Variants in APBA2 observed in about 807,000 individuals in gnomAD.
The protein encoded by APBA2 is amyloid beta precursor protein binding family A member 2.
A neutral mutation model predicts 75.0 loss-of-function variants in APBA2; 30 were observed. The observed-to-expected ratio is 0.40, with a 90% CI of 0.30 to 0.54. The LOEUF is 0.54. Ranked by LOEUF, APBA2 falls within the 20% of genes least tolerant of loss-of-function variation. The pLI is 0.49. For missense variants in APBA2, 801 were observed against 1,016.1 expected, an observed-to-expected ratio of 0.79 and a Z score of 2.88; for synonymous variants, 444 against 409.6, an observed-to-expected ratio of 1.08 and a Z score of -1.01.
intron 2 of APBA2, among the ~76,000 whole-genome samples, chr15:28,984,355 C>T (rs1025522858): frequency 6.6e-6 from 1 of 152,080 alleles, no homozygotes; most frequent in Non-Finnish European, 1.5e-5. Flanking sequence ...AACCCCATGA[C>T]ATAGGCTTAT....
chr15:29,090,406 G>C (rs904642538), intron 6 of APBA2, among the ~76,000 whole-genome samples: 14 of 152,354 alleles, frequency 9.2e-5, no homozygotes, highest in Non-Finnish European at 1.6e-4. Context: ...TCAAGGACAT[G>C]GGTCAACATG....
chr15:29,020,859 C>G (rs547514128), intron 3 of APBA2, among the ~76,000 whole-genome samples: 1 of 151,964 alleles, frequency 6.6e-6, no homozygotes, highest in Non-Finnish European at 1.5e-5. Flanking sequence ...CCCAAACAAA[C>G]AAAAAACCAG....
At chr15:29,002,855 C>T (rs538198195) in intron 3 of APBA2, among the ~76,000 whole-genome samples, 5 of 151,892 alleles carry the variant, frequency 3.3e-5, no homozygotes, top group Non-Finnish European at 7.4e-5. Flanking sequence ...CTGGGGAGGG[C>T]GGACTCATCA....
chr15:28,915,103 C>CCCATATATACCACA (rs2033611472), intron 1 of APBA2, among the ~76,000 whole-genome samples: 1 of 19,822 alleles, frequency 5.0e-5, no homozygotes, highest in Non-Finnish European at 1.1e-4. Flanking sequence ...CATACCATAC[C>CCCATATATACCACA]CACCTCACAC....
rs200263520 is a variant in APBA2 at position 29,056,110 on chromosome 15, T to A, written c.951+1275T>A. Reference sequence around the variant, plus strand: ...GCGTGTGACATGCTGCGTCTTATTGTGACAAATGGCATCGCTAGCCAAGTT... The same window carrying A: ...GCGTGTGACATGCTGCGTCTTATTGAGACAAATGGCATCGCTAGCCAAGTT... On this transcript the variant is annotated intron_variant, in intron 4 of 14. Coordinates refer to ENST00000683413, the MANE Select transcript of APBA2 (RefSeq NM_001353788.2). Among the ~76,000 whole-genome samples, 7 of 152,360 alleles carry A rather than the reference T, an allele frequency of 4.6e-5. No homozygotes were observed. The East Asian group carries it at 1.3e-3, about 29-fold the overall frequency.
rs1566984173 is a variant in APBA2 at position 29,081,688 on chromosome 15, CTTTT to C, written c.1069+5599_1069+5602del. 1.2e-4 allele frequency among the ~76,000 whole-genome samples: 19 copies of C among 152,342 alleles called. 1 individual carries two copies. Among genetic ancestry groups the C allele is most frequent in the Admixed American group, 9.8e-4 (15 of 15,302 alleles). ...ACTGGCCACATGGCTCTGTACTTAG[CTTTT>C]TCCTTTCTTGCTAGATCTTGGAAAC... On this transcript the variant is annotated intron_variant, in intron 6 of 14. Coordinates refer to ENST00000683413, the MANE Select transcript of APBA2 (RefSeq NM_001353788.2).
chr15:29,026,467 G>C (rs1392409595), intron 3 of APBA2, among the ~76,000 whole-genome samples: 1 of 152,164 alleles, frequency 6.6e-6, no homozygotes, highest in Non-Finnish European at 1.5e-5. Context: ...TTATCCATTG[G>C]TGATCCTGGC....
intron 8 of APBA2, among the ~76,000 whole-genome samples, chr15:29,098,083 G>C (rs1370843298): frequency 6.6e-6 from 1 of 152,130 alleles, no homozygotes; most frequent in Non-Finnish European, 1.5e-5. Context: ...CCATGTCTTG[G>C]CTGTTGTGGA....
chr15:29,101,874 G>C, intron 10 of APBA2, 90 bp downstream of exon 10: 1 of 1,320,862 alleles, frequency 7.6e-7, no homozygotes, highest in African/African-American at 1.5e-5. Context: ...CCACCCTCAG[G>C]TGGAAAGCCT....
At chr15:28,971,197 ATTTC>A (rs2037048967) in intron 2 of APBA2, among the ~76,000 whole-genome samples, 1 of 151,684 alleles carries the variant, frequency 6.6e-6, no homozygotes, top group Non-Finnish European at 1.5e-5. Context: ...TTTTTATTCT[ATTTC>A]TTTTCTGTCT....
chr15:28,911,180 G>A (rs1199560102), intron 1 of APBA2, among the ~76,000 whole-genome samples: 2 of 152,150 alleles, frequency 1.3e-5, no homozygotes, highest in Non-Finnish European at 2.9e-5. Context: ...TCTGCATCTT[G>A]GATTTGGGGA....
At chr15:29,051,725 C>T (rs1375303451) in intron 3 of APBA2, among the ~76,000 whole-genome samples, 1 of 152,092 alleles carries the variant, frequency 6.6e-6, no homozygotes, top group Non-Finnish European at 1.5e-5. Flanking sequence ...TGGGGGGATA[C>T]ACAATATGGA....
intron 1 of APBA2, among the ~76,000 whole-genome samples, chr15:28,907,078 A>G (rs1184904599): frequency 6.6e-6 from 1 of 152,214 alleles, no homozygotes; most frequent in Non-Finnish European, 1.5e-5. Context: ...CCTAATATAT[A>G]TAAGCACCCT....
At chr15:28,957,700 G>A (rs1264754978) in intron 2 of APBA2, among the ~76,000 whole-genome samples, 1 of 152,208 alleles carries the variant, frequency 6.6e-6, no homozygotes, top group African/African-American at 2.4e-5. Context: ...GTGAGCAGGG[G>A]CTCTGTGGTG....
In APBA2 at chr15:28,953,816, T is replaced by C. The variant is rs960370313; in HGVS notation, c.-95+32067T>C. On this transcript the variant is annotated intron_variant, in intron 2 of 14. Coordinates refer to ENST00000683413, the MANE Select transcript of APBA2 (RefSeq NM_001353788.2). ...AGTGTCAGAGTGTCCCTGCGGTCAG[T>C]CCATGCCCCTCTTCTCCGCTCGGTC... Among the ~76,000 whole-genome samples, 3 of 152,248 alleles carry C rather than the reference T, an allele frequency of 2.0e-5. No individual in the cohort carries two copies. The South Asian group carries it at 6.2e-4, about 32-fold the overall frequency.
At chr15:29,024,942 C>T (rs1226790065) in intron 3 of APBA2, among the ~76,000 whole-genome samples, 7 of 152,000 alleles carry the variant, frequency 4.6e-5, no homozygotes, top group Non-Finnish European at 7.4e-5. Context: ...ATTCCACTGT[C>T]GAGTATCAAT....
At chr15:28,892,903 T>C (rs1037425243) in intron 1 of APBA2, among the ~76,000 whole-genome samples, 1 of 152,218 alleles carries the variant, frequency 6.6e-6, no homozygotes, top group African/African-American at 2.4e-5. Flanking sequence ...ATTGAGTGAA[T>C]GCGTGCATTT....
chr15:29,063,037 A>C (rs1595871523), intron 4 of APBA2, among the ~76,000 whole-genome samples: 1 of 59,062 alleles, frequency 1.7e-5, no homozygotes, highest in Admixed American at 1.9e-4. Flanking sequence ...TGATCTGGTC[A>C]GTGTCTGTAT....
At chr15:28,934,481 G>A (rs896531726) in intron 2 of APBA2, among the ~76,000 whole-genome samples, 3 of 152,184 alleles carry the variant, frequency 2.0e-5, no homozygotes, top group Admixed American at 6.5e-5. Flanking sequence ...GAGGCAGGAC[G>A]AAGACCTTGT....
Sources: gnomAD v4.1 joint callset for allele counts (sites outside exome capture counted in the v4.1 genomes callset) on GRCh38, gnomAD v4.1.1 for gene constraint, MANE v1.5 for transcripts, NCBI Gene and HGNC (gene_info 2026-07-23, HGNC 2026-07-21) for gene names.